The following MTUS2 variants were observed in gnomAD, a reference collection of about 807,000 sequenced individuals.
MTUS2 encodes the protein microtubule-associated tumor suppressor candidate 2.
A neutral mutation model predicts 114.1 loss-of-function variants in MTUS2; 40 were observed. The observed-to-expected ratio is 0.35, with a 90% CI of 0.27 to 0.46. The LOEUF (loss-of-function observed/expected upper bound fraction) is 0.46, where lower values mean the gene tolerates loss of function less well. Ranked by LOEUF, MTUS2 falls within the 20% of genes least tolerant of loss-of-function variation. The probability of loss-of-function intolerance (pLI) is 1.00; values close to 1 mark genes in which losing one functional copy is unlikely to be tolerated. For synonymous variants in MTUS2, 688 were observed against 672.0 expected, an observed-to-expected ratio of 1.02 and a Z score of -0.37; for missense variants, 1,679 against 1,705.4, an observed-to-expected ratio of 0.98 and a Z score of 0.27.
intron 7 of MTUS2, among the ~76,000 whole-genome samples, chr13:29,352,625 G>T (rs1000668213): frequency 1.3e-5 from 2 of 152,168 alleles, no homozygotes; most frequent in Admixed American, 6.5e-5. Context: ...GAGGCTGTTT[G>T]TGTCTGTTTC....
intron 9 of MTUS2, among the ~76,000 whole-genome samples, chr13:29,443,905 G>A (rs571914423): frequency 6.6e-6 from 1 of 152,200 alleles, no homozygotes; most frequent in Non-Finnish European, 1.5e-5. Context: ...AATTTCTAAG[G>A]CTCTGAATTC....
At chr13:29,481,442 G>A (rs997112389) in intron 10 of MTUS2, among the ~76,000 whole-genome samples, 6 of 151,592 alleles carry the variant, frequency 4.0e-5, no homozygotes, top group African/African-American at 1.2e-4. Flanking sequence ...CGATGGCTTC[G>A]TCCCCACCCT....
chr13:28,829,771 CAA>C (rs772518533), intron 1 of MTUS2, among the ~76,000 whole-genome samples: 2 of 152,142 alleles, frequency 1.3e-5, no homozygotes, highest in East Asian at 1.9e-4. Flanking sequence ...TTGGGGTTAA[CAA>C]GAGGTTAACC....
intron 2 of MTUS2, among the ~76,000 whole-genome samples, chr13:28,846,375 T>C (rs1486439198): frequency 6.6e-6 from 1 of 152,238 alleles, no homozygotes; most frequent in Non-Finnish European, 1.5e-5. Flanking sequence ...AACACTTGGC[T>C]AATTATAAGT....
intron 2 of MTUS2, among the ~76,000 whole-genome samples, chr13:28,983,410 T>C (rs1282114772): frequency 1.3e-5 from 2 of 152,230 alleles, no homozygotes; most frequent in African/African-American, 4.8e-5. Flanking sequence ...TGAGGTGTGC[T>C]GTAAATGTAA....
intron 2 of MTUS2, among the ~76,000 whole-genome samples, chr13:28,976,792 GTA>G (rs1884129318): frequency 6.6e-6 from 1 of 152,192 alleles, no homozygotes; most frequent in Non-Finnish European, 1.5e-5. Flanking sequence ...GAAGCTTTAT[GTA>G]AATGGCATGG....
At chr13:29,350,396 G>A (rs1308385054) in intron 7 of MTUS2, among the ~76,000 whole-genome samples, 1 of 150,794 alleles carries the variant, frequency 6.6e-6, no homozygotes, top group East Asian at 1.9e-4. Flanking sequence ...CAGCTCATAG[G>A]GCCACCCACA....
chr13:29,487,902 G>A lies in MTUS2; in HGVS notation c.3402G>A (p.Val1134=), dbSNP rs773711623. The change falls in exon 11 of 16, where the codon GTG becomes GTA. Residue 1134 remains valine, a splice_region_variant and synonymous_variant. Transcript: ENST00000612955. ...CAGTAACTGCGACTCTCCTCCAGGT[G>A]GAAGATCTCACCGCCAGCCATGATG... ...LSIRCQHQEQ[V]EDLTASHDAA... 53 of 1,612,744 alleles carry A rather than the reference G, an allele frequency of 3.3e-5. 1 individual carries two copies. Among genetic ancestry groups the A allele is most frequent in the East Asian group, 4.5e-5 (2 of 44,902 alleles).
At chr13:28,986,344 C>G (rs1884585353) in intron 2 of MTUS2, among the ~76,000 whole-genome samples, 1 of 152,178 alleles carries the variant, frequency 6.6e-6, no homozygotes, top group Non-Finnish European at 1.5e-5. Flanking sequence ...GATGTAAGAA[C>G]TTGCCTGCTG....
At chr13:29,081,236 G>C (rs1889427591) in intron 4 of MTUS2, among the ~76,000 whole-genome samples, 1 of 152,112 alleles carries the variant, frequency 6.6e-6, no homozygotes, top group African/African-American at 2.4e-5. Context: ...AGAGGAGGGA[G>C]CATCTAGGCT....
At chr13:29,434,123 C>CT (rs199582007) in intron 8 of MTUS2, among the ~76,000 whole-genome samples, 59 of 152,104 alleles carry the variant, frequency 3.9e-4, no homozygotes, top group African/African-American at 1.3e-3. Flanking sequence ...TATGTATTTT[C>CT]TTTTTTAAAA....
chr13:29,032,210 C>T (rs192865770), intron 3 of MTUS2, among the ~76,000 whole-genome samples: 2 of 152,194 alleles, frequency 1.3e-5, no homozygotes, highest in African/African-American at 2.4e-5. Flanking sequence ...AAAGAATTTG[C>T]GATCTCACCA....
chr13:28,992,745 A>G, intron 2 of MTUS2, among the ~76,000 whole-genome samples: 1 of 152,150 alleles, frequency 6.6e-6, no homozygotes, highest in East Asian at 1.9e-4. Flanking sequence ...GTGGTAAAAT[A>G]TACACAACAT....
At chr13:28,911,845 G>GTTTTTTTTTTTTTTTTTTTTTTAT (rs202187530) in intron 2 of MTUS2, among the ~76,000 whole-genome samples, 1 of 103,828 alleles carries the variant, frequency 9.6e-6, no homozygotes, top group African/African-American at 3.8e-5. Flanking sequence ...ACTTTTTAAT[G>GTTTTTTTTTTTTTTTTTTTTTTAT]TTTTTTTTTT....
chr13:29,420,888 A>G (rs1269212534), intron 8 of MTUS2, among the ~76,000 whole-genome samples: 2 of 152,210 alleles, frequency 1.3e-5, no homozygotes, highest in Non-Finnish European at 2.9e-5. Context: ...TTAAAAGGGA[A>G]AAAAAGGGTA....
At chr13:29,410,375 C>T (rs983976171) in intron 8 of MTUS2, among the ~76,000 whole-genome samples, 1 of 152,198 alleles carries the variant, frequency 6.6e-6, no homozygotes, top group Non-Finnish European at 1.5e-5. Context: ...GATCCGCCCG[C>T]CTCGGCCTCC....
chr13:28,954,506 G>A (rs660359), intron 2 of MTUS2, among the ~76,000 whole-genome samples: 91,189 of 152,060 alleles, frequency 0.6, 28,984 homozygotes, highest in Middle Eastern at 0.74. Context: ...GCAGAATTAG[G>A]AGGGAGGGTG....
intron 2 of MTUS2, among the ~76,000 whole-genome samples, chr13:29,018,980 A>G (rs1295028361): frequency 6.6e-6 from 1 of 152,106 alleles, no homozygotes; most frequent in Non-Finnish European, 1.5e-5. Flanking sequence ...TTTTTAAAGC[A>G]TTGATAATTG....
chr13:29,465,481 G>A (rs1304748328), intron 9 of MTUS2, among the ~76,000 whole-genome samples: 1 of 152,156 alleles, frequency 6.6e-6, no homozygotes, highest in Non-Finnish European at 1.5e-5. Flanking sequence ...GGCATCCCCG[G>A]TAACGCATTT....
Sources: allele counts gnomAD v4.1 joint callset (sites outside exome capture counted in the v4.1 genomes callset), GRCh38; gene constraint gnomAD v4.1.1; transcripts MANE v1.5; gene names NCBI Gene and HGNC (gene_info 2026-07-23, HGNC 2026-07-21).